The following MBOAT2 variants were observed in gnomAD, a reference collection of about 807,000 sequenced individuals.
MBOAT2 encodes the protein membrane-bound glycerophospholipid O-acyltransferase 2.
A neutral mutation model predicts 63.4 loss-of-function variants in MBOAT2; 28 were observed. The ratio of observed to expected loss-of-function variants is 0.44; its 90% confidence interval spans 0.33 to 0.61. The LOEUF is 0.61. MBOAT2 is among the 20% of genes least tolerant of loss of function. The probability of loss-of-function intolerance (pLI) is 0.03; values close to 1 mark genes in which losing one functional copy is unlikely to be tolerated. For synonymous variants in MBOAT2, 211 were observed against 215.6 expected, an observed-to-expected ratio of 0.98 and a Z score of 0.19; for missense variants, 470 against 605.8, an observed-to-expected ratio of 0.78 and a Z score of 2.35.
intron 2 of MBOAT2, among the ~76,000 whole-genome samples, chr2:8,957,505 C>T (rs1669308557): frequency 6.6e-6 from 1 of 152,156 alleles, no homozygotes; most frequent in Admixed American, 6.5e-5. Context: ...GCAATTGCCA[C>T]AGGCAAAAAT....
At chr2:8,958,274 A>G (rs543192620) in intron 2 of MBOAT2, among the ~76,000 whole-genome samples, 2 of 152,312 alleles carry the variant, frequency 1.3e-5, no homozygotes, top group African/African-American at 4.8e-5. Context: ...GTCTTTCCAC[A>G]AATTATAAAT....
In MBOAT2 at chr2:8,945,053, T is replaced by TA. The variant is rs374882600; in HGVS notation, c.222-1790dup. Among the ~76,000 whole-genome samples, 276 of 152,338 alleles carry TA rather than the reference T, an allele frequency of 1.8e-3. 1 individual carries two copies. The highest frequency in any genetic ancestry group is 6.3e-3 in the African/African-American group (260 of 41,582). ...AGGGATATATCATAACTTTAGAAGCTACAAGTCTTACTTCTCAAACAGTGC... is the reference window on the plus strand; with the variant it reads ...AGGGATATATCATAACTTTAGAAGCTAACAAGTCTTACTTCTCAAACAGTGC... On this transcript the variant is annotated intron_variant, in intron 2 of 12. Transcript: ENST00000305997.
chr2:8,916,135 G>A (rs1666159608), intron 3 of MBOAT2, among the ~76,000 whole-genome samples: 1 of 152,200 alleles, frequency 6.6e-6, no homozygotes, highest in Admixed American at 6.5e-5. Flanking sequence ...AAGTCAATAT[G>A]CTGAGATGGC....
At chr2:8,871,697 AATG>A in intron 8 of MBOAT2, among the ~76,000 whole-genome samples, 1 of 152,338 alleles carries the variant, frequency 6.6e-6, no homozygotes, top group African/African-American at 2.4e-5. Flanking sequence ...AGCAACTTTT[AATG>A]ATGCTATTGT....
intron 1 of MBOAT2, among the ~76,000 whole-genome samples, chr2:8,995,761 T>C (rs1672247368): frequency 6.6e-6 from 1 of 152,022 alleles, no homozygotes; most frequent in Admixed American, 6.6e-5. Flanking sequence ...CGGCCTAATT[T>C]TTTGTAGTTT....
intron 3 of MBOAT2, among the ~76,000 whole-genome samples, chr2:8,927,193 G>A (rs553677838): frequency 1.3e-5 from 2 of 152,248 alleles, no homozygotes; most frequent in African/African-American, 4.8e-5. Flanking sequence ...AGGGACACCT[G>A]CAGACCATCA....
Position 8,869,997 on chromosome 2 carries a change from G to A in MBOAT2, c.884-1448C>T, listed in dbSNP as rs1368107437. On this transcript the variant is annotated intron_variant, in intron 8 of 12. Transcript: ENST00000305997. ...GAGAACTGGGGATATCAAACTGCAG[G>A]AGTCCACCTTCCATGTTCCCCTGCC... Among the ~76,000 whole-genome samples the A allele has an allele frequency of 5.9e-5, 9 of 152,110 alleles. 1 individual carries two copies. The highest frequency in any genetic ancestry group is 5.9e-4 in the Admixed American group (9 of 15,262).
chr2:8,859,922 T>C (rs376813347), intron 12 of MBOAT2, among the ~76,000 whole-genome samples: 127 of 152,278 alleles, frequency 8.3e-4, no homozygotes, highest in East Asian at 3.1e-3. Context: ...TGGTGGCTCA[T>C]GCCTGTAATC....
chr2:8,929,477 A>G (rs1389820826), intron 3 of MBOAT2, among the ~76,000 whole-genome samples: 1 of 152,108 alleles, frequency 6.6e-6, no homozygotes, highest in Non-Finnish European at 1.5e-5. Flanking sequence ...TCAGCCCCCC[A>G]AGTAGCTGGG....
At chr2:8,916,037 C>T (rs577840624) in intron 3 of MBOAT2, among the ~76,000 whole-genome samples, 2 of 152,146 alleles carry the variant, frequency 1.3e-5, no homozygotes, top group Non-Finnish European at 2.9e-5. Context: ...TTGGAAAGGC[C>T]TTTCTTACTC....
At chr2:8,893,015 T>G in intron 4 of MBOAT2, among the ~76,000 whole-genome samples, 1 of 145,994 alleles carries the variant, frequency 6.8e-6, no homozygotes, top group Admixed American at 6.9e-5. Context: ...AAAGAATATA[T>G]TCTGACTCTA....
intron 1 of MBOAT2, among the ~76,000 whole-genome samples, chr2:8,989,478 G>A (rs1412305068): frequency 1.3e-5 from 2 of 152,232 alleles, no homozygotes; most frequent in African/African-American, 2.4e-5. Flanking sequence ...ACTCTAGAGA[G>A]GACAACACTT....
intron 4 of MBOAT2, among the ~76,000 whole-genome samples, chr2:8,899,419 C>G (rs1664742567): frequency 6.6e-6 from 1 of 152,144 alleles, no homozygotes; most frequent in African/African-American, 2.4e-5. Flanking sequence ...TCATCCAGGA[C>G]AGGAGATTAG....
At chr2:8,967,482 A>T (rs1429744764) in intron 1 of MBOAT2, among the ~76,000 whole-genome samples, 1 of 152,202 alleles carries the variant, frequency 6.6e-6, no homozygotes, top group African/African-American at 2.4e-5. Context: ...GGATGGGAAG[A>T]CTCGGAATCA....
chr2:8,912,015 A>G (rs1558605798), intron 3 of MBOAT2, among the ~76,000 whole-genome samples: 1 of 152,132 alleles, frequency 6.6e-6, no homozygotes, highest in Non-Finnish European at 1.5e-5. Context: ...CAGATGCAGA[A>G]AAACGATTTG....
Position 8,855,111 on chromosome 2 carries a change from G to A in MBOAT2, c.*3568C>T, listed in dbSNP as rs1660996516. The A allele has an allele frequency of 6.6e-6, 1 of 152,206 alleles. No individual in the cohort carries two copies. The highest frequency in any genetic ancestry group is 2.4e-5 in the African/African-American group (1 of 41,452). The allele number at this position is 152,206 out of a possible 1,614,324, so 9.4% of individuals were successfully genotyped here. A position where few individuals can be genotyped will look rare whatever the true frequency, so the allele number is the denominator to read the frequency against. ...TGCCTTCTGATTTAAGGGATTCAGA[G>A]GTTTCACTGTTATCATGACAACCTT... On this transcript the variant is annotated 3_prime_UTR_variant, in exon 13 of 13. Coordinates refer to ENST00000305997, the MANE Select transcript of MBOAT2 (RefSeq NM_138799.4).
rs1558622191 is a variant in MBOAT2 at position 8,926,386 on chromosome 2, G to C, written c.299+16801C>G. Among the ~76,000 whole-genome samples, 3 of 152,146 alleles carry C rather than the reference G, an allele frequency of 2.0e-5. No individual in the cohort carries two copies. In the South Asian group the frequency reaches 6.2e-4, roughly 32 times the overall value. ...ATGTACAAAGTAAAGTACGACTCTA[G>C]GTAGAAAACTCAACATAGAGTACAA... On this transcript the variant is annotated intron_variant, in intron 3 of 12. Coordinates refer to ENST00000305997, the MANE Select transcript of MBOAT2 (RefSeq NM_138799.4).
intron 1 of MBOAT2, among the ~76,000 whole-genome samples, chr2:8,968,129 C>G (rs972180393): frequency 2.4e-4 from 37 of 152,074 alleles, no homozygotes; most frequent in Non-Finnish European, 4.7e-4. Context: ...AGGCACCCCC[C>G]AGTAGGGGCA....
chr2:8,996,125 C>T (rs916864000), intron 1 of MBOAT2, among the ~76,000 whole-genome samples: 3 of 152,102 alleles, frequency 2.0e-5, no homozygotes, highest in Non-Finnish European at 4.4e-5. Context: ...AAAAATGCAC[C>T]GCAATGGCTC....
Sources: gnomAD v4.1 joint callset for allele counts (sites outside exome capture counted in the v4.1 genomes callset) on GRCh38, gnomAD v4.1.1 for gene constraint, MANE v1.5 for transcripts, NCBI Gene and HGNC (gene_info 2026-07-23, HGNC 2026-07-21) for gene names.